BAZ1A: variants seen among roughly 807,000 people sequenced by gnomAD.
The protein encoded by BAZ1A is bromodomain adjacent to zinc finger domain 1A.
Under a neutral mutation model 185.2 loss-of-function variants are expected in BAZ1A, and 50 were observed. That is an observed-to-expected ratio of 0.27 (90% CI 0.22 to 0.34). The LOEUF (loss-of-function observed/expected upper bound fraction) is 0.34. BAZ1A is among the 10% of genes least tolerant of loss of function. The pLI is 1.00. For synonymous variants in BAZ1A, 571 were observed against 615.6 expected, an observed-to-expected ratio of 0.93 and a Z score of 1.07; for missense variants, 1,356 against 1,839.9, an observed-to-expected ratio of 0.74 and a Z score of 4.81.
chr14:34,777,600 C>T lies in BAZ1A; in HGVS notation c.2237-1085G>A, dbSNP rs574835868. Among the ~76,000 whole-genome samples, 9 of 148,872 alleles carry T rather than the reference C, an allele frequency of 6.0e-5. No homozygotes were observed. The East Asian group carries it at 1.8e-3, about 29-fold the overall frequency. The stretch of plus-strand genomic sequence containing the variant: ...GGGAGGTTGCAGTGGGCCAAGATCA[C>T]GCCACTGTACTCCACCCTGGGGGAT... On this transcript the variant is annotated intron_variant, in intron 17 of 26. Transcript: ENST00000360310.
In BAZ1A at chr14:34,776,192, G is replaced by T; in HGVS notation, c.2560C>A (p.Gln854Lys). Residue 854 changes from glutamine (Q) to lysine (K), a missense_variant, in exon 18 of 27, where the codon CAG (glutamine) becomes AAG (lysine). Around this residue, in one of 7 missense-constraint regions of BAZ1A, gnomAD observed 434 missense variants for 561.7 expected, o/e 0.77. Coordinates refer to ENST00000360310, the MANE Select transcript of BAZ1A (RefSeq NM_013448.3). ...GGCTCTCCAGTTTTAGTGGATACCT[G>T]AGGATCTTGAGACTGTACATTATTC... is the stretch of plus-strand genomic sequence containing the variant. Reference protein sequence around the residue: ...FQNNVQSQDPQVSTKTGEPLM... With the variant: ...FQNNVQSQDPKVSTKTGEPLM... 6.2e-7 allele frequency: 1 copy of T among 1,614,206 alleles called. No homozygotes were observed. Among genetic ancestry groups the T allele is most frequent in the Non-Finnish European group, 8.5e-7 (1 of 1,180,036 alleles).
intron 3 of BAZ1A, among the ~76,000 whole-genome samples, chr14:34,841,461 G>C (rs1274782798): frequency 6.6e-6 from 1 of 152,066 alleles, no homozygotes; most frequent in Non-Finnish European, 1.5e-5. Flanking sequence ...TGCAATCTTG[G>C]CTCACTTGCA....
At chr14:34,797,322 G>A (rs1881250059) in intron 9 of BAZ1A, among the ~76,000 whole-genome samples, 1 of 152,162 alleles carries the variant, frequency 6.6e-6, no homozygotes, top group Admixed American at 6.5e-5. Flanking sequence ...CACTTTGGGA[G>A]GTCGAGGCGG....
At chr14:34,781,419 T>C (rs1880031209) in intron 16 of BAZ1A, among the ~76,000 whole-genome samples, 1 of 152,188 alleles carries the variant, frequency 6.6e-6, no homozygotes, top group Non-Finnish European at 1.5e-5. Flanking sequence ...TCCCATTTCC[T>C]CTTTCCTGCT....
chr14:34,766,104 T>C (rs1167510289), intron 21 of BAZ1A, among the ~76,000 whole-genome samples: 2 of 152,176 alleles, frequency 1.3e-5, no homozygotes, highest in South Asian at 2.1e-4. Flanking sequence ...GGCTCCCCCA[T>C]ATGAACTTGG....
intron 2 of BAZ1A, among the ~76,000 whole-genome samples, chr14:34,868,891 AGTAT>A (rs76520086): frequency 0.31 from 30,329 of 97,168 alleles, 3,272 homozygotes; most frequent in East Asian, 0.36. Context: ...TATGTATGTA[AGTAT>A]GTATGTGTGT....
At chr14:34,833,311 G>A (rs144325331) in intron 3 of BAZ1A, among the ~76,000 whole-genome samples, 2,040 of 152,130 alleles carry the variant, frequency 0.013, 57 homozygotes, top group African/African-American at 0.046. Flanking sequence ...GGTGGATCAC[G>A]AGGTCAGGAG....
At chr14:34,790,944 G>A (rs1481182837) in intron 12 of BAZ1A, among the ~76,000 whole-genome samples, 1 of 152,094 alleles carries the variant, frequency 6.6e-6, no homozygotes, top group African/African-American at 2.4e-5. Context: ...CCAACATGGA[G>A]AAACCCTGTC....
intron 18 of BAZ1A, 123 bp from the exon 19 acceptor site, chr14:34,774,613 AAATGAATG>A (rs906237966): frequency 9.3e-6 from 7 of 751,726 alleles, no homozygotes; most frequent in East Asian, 2.8e-5. Flanking sequence ...CAAGTGCCAC[AAATGAATG>A]AATGAATGAA....
intron 11 of BAZ1A, 25 bp from the exon 12 acceptor site, chr14:34,792,946 A>T (rs774275260): frequency 7.5e-6 from 12 of 1,591,136 alleles, no homozygotes; most frequent in Admixed American, 1.9e-5. Flanking sequence ...TTTAAAATGA[A>T]TTTAAAGTTC....
intron 7 of BAZ1A, 88 bp downstream of exon 7, chr14:34,802,766 G>T: frequency 7.3e-7 from 1 of 1,374,604 alleles, no homozygotes; most frequent in Non-Finnish European, 9.9e-7. Flanking sequence ...TCTAGGCTAT[G>T]GATGTGAGGG....
At chr14:34,780,393 C>T (rs1462049615) in intron 16 of BAZ1A, 83 bp from the exon 17 acceptor site, 1 of 1,405,810 alleles carries the variant, frequency 7.1e-7, no homozygotes, top group South Asian at 1.4e-5. Context: ...TTATGAAGTA[C>T]CAGGCATTAT....
chr14:34,808,742 A>G (rs1180907823), intron 5 of BAZ1A, among the ~76,000 whole-genome samples: 4 of 152,190 alleles, frequency 2.6e-5, no homozygotes, highest in African/African-American at 9.6e-5. Flanking sequence ...TTGCCCCCCA[A>G]TTAAAAACAA....
chr14:34,786,533 C>T (rs1880450003), intron 12 of BAZ1A: 1 of 219,748 alleles, frequency 4.6e-6, no homozygotes, highest in Non-Finnish European at 8.9e-6. Flanking sequence ...AATCTCCTCA[C>T]TCAATATAAC....
At chr14:34,768,252 A>G (rs962929817) in intron 21 of BAZ1A, among the ~76,000 whole-genome samples, 3 of 152,160 alleles carry the variant, frequency 2.0e-5, no homozygotes, top group Non-Finnish European at 2.9e-5. Context: ...ATACTGTTCA[A>G]TGGCCACTAT....
chr14:34,853,175 A>G (rs2042622987), intron 3 of BAZ1A, among the ~76,000 whole-genome samples: 1 of 152,230 alleles, frequency 6.6e-6, no homozygotes, highest in African/African-American at 2.4e-5. Context: ...AACAGACTCA[A>G]CTTCCAATTT....
At chr14:34,838,413 A>T (rs140391762) in intron 3 of BAZ1A, among the ~76,000 whole-genome samples, 475 of 152,318 alleles carry the variant, frequency 3.1e-3, no homozygotes, top group Non-Finnish European at 5.2e-3. Context: ...AAAGAGCAAT[A>T]TGAGAGAGCC....
intron 24 of BAZ1A, among the ~76,000 whole-genome samples, chr14:34,761,432 G>A (rs531320905): frequency 6.6e-6 from 1 of 152,288 alleles, no homozygotes; most frequent in South Asian, 2.1e-4. Flanking sequence ...TTTGCGTTTT[G>A]AGGGAGGAAA....
intron 6 of BAZ1A, 56 bp from the exon 7 acceptor site, chr14:34,803,044 G>T: frequency 6.6e-7 from 1 of 1,510,048 alleles, no homozygotes; most frequent in Non-Finnish European, 9.1e-7. Context: ...ACAACATACA[G>T]ATATGCCCTA....
Sources: allele counts gnomAD v4.1 joint callset (sites outside exome capture counted in the v4.1 genomes callset), GRCh38; gene constraint gnomAD v4.1.1; regional missense constraint gnomAD v4.1.1; transcripts MANE v1.5; gene names NCBI Gene and HGNC (gene_info 2026-07-23, HGNC 2026-07-21).